STK32B: variants seen among roughly 807,000 people sequenced by gnomAD.
STK32B encodes serine/threonine kinase 32B.
A neutral mutation model predicts 52.6 loss-of-function variants in STK32B; 43 were observed. That is an observed-to-expected ratio of 0.82 (90% CI 0.64 to 1.05). The LOEUF is 1.05. STK32B is among the 50% of genes least tolerant of loss of function. The probability of loss-of-function intolerance (pLI) is 0.00; values close to 1 mark genes in which losing one functional copy is unlikely to be tolerated. For synonymous variants in STK32B, 238 were observed against 204.3 expected (o/e 1.17, Z -1.41); for missense variants, 621 against 534.6 (o/e 1.16, Z -1.59).
At chr4:5,138,240 A>G (rs895270474) in intron 1 of STK32B, among the ~76,000 whole-genome samples, 5 of 152,208 alleles carry the variant, frequency 3.3e-5, no homozygotes, top group Admixed American at 3.3e-4. Context: ...ATTCGACCTC[A>G]CGCTGGATTC....
chr4:5,137,619 A>T (rs1038923776), intron 1 of STK32B, among the ~76,000 whole-genome samples: 1 of 152,192 alleles, frequency 6.6e-6, no homozygotes, highest in Non-Finnish European at 1.5e-5. Flanking sequence ...TACAAATGAG[A>T]TAACTGAGGC....
rs184902119 is a variant in STK32B, at chr4:5,383,873, T to A, written c.435-14334T>A. Reference sequence around the variant, plus strand: ...GATACAGCAGTGGGGGGATAAAGTCTCTGCTGTCATAGTTTTATATCCTAA... The same window carrying A: ...GATACAGCAGTGGGGGGATAAAGTCACTGCTGTCATAGTTTTATATCCTAA... On this transcript the variant is annotated intron_variant, in intron 4 of 11. Transcript: ENST00000282908. Among the ~76,000 whole-genome samples the A allele has an allele frequency of 1.5e-3, 231 of 152,346 alleles. 3 individuals are homozygous for A. The highest frequency in any genetic ancestry group is 3.4e-3 in the African/African-American group (143 of 41,568).
At position 5,105,396 on chromosome 4, in the gene STK32B, G is replaced by T. The variant is rs1714043323; in HGVS notation, c.53-34509G>T. Among the ~76,000 whole-genome samples, 3 of 152,070 alleles carry T rather than the reference G, an allele frequency of 2.0e-5. No homozygotes were observed. In the South Asian group the frequency reaches 6.2e-4, roughly 32 times the overall value. On this transcript the variant is annotated intron_variant, in intron 1 of 11. Transcript: ENST00000282908. ...TATTTGCATTTAGATATCCTCTTTA[G>T]CGAAATACCTATTTAGTCTCTTTTC...
chr4:5,074,064 C>G (rs1711932457), intron 1 of STK32B, among the ~76,000 whole-genome samples: 1 of 151,876 alleles, frequency 6.6e-6, no homozygotes, highest in Admixed American at 6.6e-5. Context: ...CTCTCTCCTC[C>G]CACACATCCC....
intron 2 of STK32B, among the ~76,000 whole-genome samples, chr4:5,157,301 A>T (rs78467992): frequency 0.032 from 2,094 of 66,094 alleles, 51 homozygotes; most frequent in African/African-American, 0.11. Flanking sequence ...TGAGGATGTA[A>T]AAAAAAAAAA....
intron 6 of STK32B, among the ~76,000 whole-genome samples, chr4:5,425,135 G>T (rs114261683): frequency 1.2e-3 from 189 of 152,362 alleles, no homozygotes; most frequent in African/African-American, 4.5e-3. Context: ...TCATGGCTCT[G>T]TGCCTGGCTT....
intron 7 of STK32B, 81 bp from the exon 8 acceptor site, chr4:5,456,726 C>G: frequency 8.1e-7 from 1 of 1,238,208 alleles, no homozygotes; most frequent in Admixed American, 2.2e-5. Context: ...AACCATCCCT[C>G]ATAATCATAC....
intron 1 of STK32B, among the ~76,000 whole-genome samples, chr4:5,054,355 G>A (rs891458156): frequency 1.3e-5 from 2 of 152,144 alleles, no homozygotes; most frequent in Non-Finnish European, 2.9e-5. Context: ...AGAGTGGGGG[G>A]AGGGATCTGA....
At chr4:5,165,873 G>A (rs907462106) in intron 2 of STK32B, among the ~76,000 whole-genome samples, 1 of 152,172 alleles carries the variant, frequency 6.6e-6, no homozygotes, top group Non-Finnish European at 1.5e-5. Flanking sequence ...TTCATGCAAC[G>A]TGCTATCTAA....
At chr4:5,388,022 G>A (rs991218616) in intron 4 of STK32B, among the ~76,000 whole-genome samples, 1 of 152,172 alleles carries the variant, frequency 6.6e-6, no homozygotes, top group Non-Finnish European at 1.5e-5. Context: ...TGGGATTAGA[G>A]GCATGAGCCA....
At chr4:5,322,333 C>T (rs936478260) in intron 3 of STK32B, among the ~76,000 whole-genome samples, 3 of 152,158 alleles carry the variant, frequency 2.0e-5, no homozygotes, top group Non-Finnish European at 4.4e-5. Flanking sequence ...TAGCTCCTCT[C>T]TTGCTGGCTG....
chr4:5,464,396 A>T (rs558041926), intron 9 of STK32B, among the ~76,000 whole-genome samples: 1 of 152,128 alleles, frequency 6.6e-6, no homozygotes, highest in African/African-American at 2.4e-5. Context: ...CTCTCCTGCA[A>T]CCCTCTGCAC....
intron 3 of STK32B, among the ~76,000 whole-genome samples, chr4:5,230,061 T>C (rs1048531494): frequency 6.6e-6 from 1 of 151,938 alleles, no homozygotes. Context: ...GGCGTGATCT[T>C]GGCTCACTGC....
At chr4:5,097,284 A>G (rs1713456113) in intron 1 of STK32B, among the ~76,000 whole-genome samples, 1 of 152,212 alleles carries the variant, frequency 6.6e-6, no homozygotes, top group Admixed American at 6.5e-5. Flanking sequence ...AATGAATGAT[A>G]CACTTTAAAT....
At chr4:5,040,388 ATTTTTTTTT>A in the STK32B span, among the ~76,000 whole-genome samples, 8 of 118,700 alleles carry the variant, frequency 6.7e-5, no homozygotes, top group Admixed American at 8.6e-5. Flanking sequence ...TGGCAGTAGA[ATTTTTTTTT>A]TTTTTTTTTT....
chr4:5,333,042 C>G (rs894593498), intron 4 of STK32B, among the ~76,000 whole-genome samples: 5 of 152,012 alleles, frequency 3.3e-5, no homozygotes, highest in South Asian at 2.1e-4. Flanking sequence ...AATGGTATTT[C>G]TAGTTCTGGA....
At chr4:5,321,899 C>T (rs528259007) in intron 3 of STK32B, among the ~76,000 whole-genome samples, 1 of 151,948 alleles carries the variant, frequency 6.6e-6, no homozygotes, top group South Asian at 2.1e-4. Context: ...AGCTAACCAG[C>T]GTCCTTCGAC....
intron 1 of STK32B, among the ~76,000 whole-genome samples, chr4:5,101,530 T>C (rs1210016757): frequency 2.0e-5 from 3 of 152,230 alleles, no homozygotes; most frequent in African/African-American, 7.2e-5. Flanking sequence ...AATGCTGTTA[T>C]TTTTTCAAGA....
At chr4:5,162,150 C>T (rs1005145285) in intron 2 of STK32B, among the ~76,000 whole-genome samples, 4 of 152,182 alleles carry the variant, frequency 2.6e-5, no homozygotes, top group Non-Finnish European at 5.9e-5. Flanking sequence ...ACAGCTCTAG[C>T]CTCTCTGTTC....
Sources: gnomAD v4.1 joint callset for allele counts (sites outside exome capture counted in the v4.1 genomes callset) on GRCh38, gnomAD v4.1.1 for gene constraint, MANE v1.5 for transcripts, NCBI Gene and HGNC (gene_info 2026-07-23, HGNC 2026-07-21) for gene names.